IQCM: variants seen among roughly 807,000 people sequenced by gnomAD.
The protein encoded by IQCM is IQ domain-containing protein M.
IQCM carries 45 observed loss-of-function variants against 57.6 expected under a neutral mutation model. That is an observed-to-expected ratio of 0.78 (90% confidence interval 0.62 to 1.00). The LOEUF (loss-of-function observed/expected upper bound fraction) is 1.00, where lower values mean the gene tolerates loss of function less well. IQCM is among the 50% of genes least tolerant of loss of function. The pLI, the probability that IQCM is intolerant of heterozygous loss-of-function variation, is 0.00. For missense variants in IQCM, 468 were observed against 511.6 expected (o/e 0.91, Z 0.82); for synonymous variants, 148 against 158.9 (o/e 0.93, Z 0.51).
intron 8 of IQCM, among the ~76,000 whole-genome samples, chr4:149,612,486 T>C (rs1203460573): frequency 6.6e-6 from 1 of 152,162 alleles, no homozygotes; most frequent in Non-Finnish European, 1.5e-5. Flanking sequence ...GAGTTATTAA[T>C]ATATAAATAC....
chr4:149,594,840 T>A (rs1356151929), intron 8 of IQCM, among the ~76,000 whole-genome samples: 1 of 152,170 alleles, frequency 6.6e-6, no homozygotes, highest in African/African-American at 2.4e-5. Context: ...GTAATTTCTG[T>A]TCTTTTACAT....
chr4:149,540,261 C>T (rs1268120712), intron 12 of IQCM, among the ~76,000 whole-genome samples: 1 of 149,464 alleles, frequency 6.7e-6, no homozygotes, highest in Non-Finnish European at 1.5e-5. Flanking sequence ...CTACGAGACA[C>T]TAAATTGTCA....
intron 5 of IQCM, among the ~76,000 whole-genome samples, chr4:149,713,128 G>C (rs1561188601): frequency 6.6e-6 from 1 of 152,102 alleles, no homozygotes; most frequent in Non-Finnish European, 1.5e-5. Context: ...ACTGCTGCTT[G>C]ATGAGCTCAT....
intron 8 of IQCM, among the ~76,000 whole-genome samples, chr4:149,610,300 C>A (rs1022690492): frequency 1.3e-5 from 2 of 151,892 alleles, no homozygotes; most frequent in Non-Finnish European, 2.9e-5. Flanking sequence ...GTCTATACTA[C>A]CCAAAGCAAT....
At chr4:149,526,220 G>A (rs1280649946) in intron 12 of IQCM, among the ~76,000 whole-genome samples, 2 of 151,876 alleles carry the variant, frequency 1.3e-5, no homozygotes, top group South Asian at 2.1e-4. Context: ...CCAAAAAGAT[G>A]TTTGTAAGGG....
chr4:149,811,865 C>A (rs1368884785), intron 2 of IQCM, among the ~76,000 whole-genome samples: 1 of 152,146 alleles, frequency 6.6e-6, no homozygotes, highest in East Asian at 1.9e-4. Context: ...GGATATTTTT[C>A]TTTTAAAAGA....
intron 13 of IQCM, among the ~76,000 whole-genome samples, chr4:149,411,822 G>A (rs994439347): frequency 6.6e-6 from 1 of 152,066 alleles, no homozygotes; most frequent in Admixed American, 6.5e-5. Context: ...TTAAAAACTA[G>A]TGCTAAGGAA....
chr4:149,486,029 C>G (rs1348476708), intron 12 of IQCM, among the ~76,000 whole-genome samples: 1 of 136,132 alleles, frequency 7.3e-6, no homozygotes, highest in Non-Finnish European at 1.5e-5. Context: ...CTCTCTCTCT[C>G]TCTCTCTCTC....
At chr4:149,529,347 G>A (rs1008926405) in intron 12 of IQCM, among the ~76,000 whole-genome samples, 3 of 152,220 alleles carry the variant, frequency 2.0e-5, no homozygotes, top group Non-Finnish European at 2.9e-5. Flanking sequence ...TTACAGGCGT[G>A]AGCCACCACA....
intron 7 of IQCM, among the ~76,000 whole-genome samples, chr4:149,657,978 G>A (rs6535692): frequency 0.21 from 31,601 of 151,374 alleles, 4,101 homozygotes; most frequent in Non-Finnish European, 0.28. Flanking sequence ...TGTTTGTTTT[G>A]GATTTTTTGT....
chr4:149,547,399 A>G (rs1748557950), intron 12 of IQCM, among the ~76,000 whole-genome samples: 1 of 152,230 alleles, frequency 6.6e-6, no homozygotes, highest in South Asian at 2.1e-4. Context: ...ATATGGAAAC[A>G]CAAATACTGT....
chr4:149,385,820 A>C (rs1731385095), intron 13 of IQCM, among the ~76,000 whole-genome samples: 1 of 152,138 alleles, frequency 6.6e-6, no homozygotes, highest in Non-Finnish European at 1.5e-5. Context: ...CATAATTCAA[A>C]TTATGATCAT....
At chr4:149,372,824 G>A (rs1730451616) in intron 13 of IQCM, among the ~76,000 whole-genome samples, 1 of 151,986 alleles carries the variant, frequency 6.6e-6, no homozygotes, top group South Asian at 2.1e-4. Flanking sequence ...AATTAGTGGT[G>A]TTACATCCTA....
chr4:149,813,105 A>T lies in IQCM; in HGVS notation c.-49+2206T>A, dbSNP rs181429456. ...GGGCTGGATTAAGGGTTACTTCACA[A>T]AAAAAGCATTCTTAGTCCTGGCATC... On this transcript the variant is annotated intron_variant, in intron 2 of 13. Coordinates refer to ENST00000636793, the MANE Select transcript of IQCM (RefSeq NM_001363507.2). 3.1e-3 allele frequency among the ~76,000 whole-genome samples: 470 copies of T among 152,238 alleles called. 4 individuals carry two copies. The highest frequency in any genetic ancestry group is 0.011 in the African/African-American group (451 of 41,550).
intron 10 of IQCM, among the ~76,000 whole-genome samples, chr4:149,561,953 T>C (rs1750165507): frequency 1.3e-5 from 2 of 152,010 alleles, no homozygotes; most frequent in South Asian, 4.1e-4. Context: ...GAATTGGAGT[T>C]TATCAGAAGA....
intron 2 of IQCM, among the ~76,000 whole-genome samples, chr4:149,782,780 T>A (rs1016278905): frequency 3.9e-5 from 6 of 151,900 alleles, no homozygotes; most frequent in African/African-American, 1.5e-4. Flanking sequence ...TAGCTAGAAG[T>A]CTAATTAGTG....
intron 7 of IQCM, among the ~76,000 whole-genome samples, chr4:149,651,261 C>T (rs1759150813): frequency 6.6e-6 from 1 of 151,910 alleles, no homozygotes; most frequent in Non-Finnish European, 1.5e-5. Context: ...GCAGAAGCAC[C>T]CTGGACCACA....
intron 8 of IQCM, among the ~76,000 whole-genome samples, chr4:149,593,790 C>T (rs1367181933): frequency 6.6e-6 from 1 of 152,138 alleles, no homozygotes; most frequent in Non-Finnish European, 1.5e-5. Flanking sequence ...ACCAGCCTTG[C>T]ATCCCAAGGA....
At chr4:149,639,028 G>A (rs1253283431) in intron 7 of IQCM, among the ~76,000 whole-genome samples, 1 of 152,158 alleles carries the variant, frequency 6.6e-6, no homozygotes, top group Non-Finnish European at 1.5e-5. Flanking sequence ...AAATTGAGAA[G>A]GAGCCAAAGG....
Sources: gnomAD v4.1 joint callset for allele counts (sites outside exome capture counted in the v4.1 genomes callset) on GRCh38, gnomAD v4.1.1 for gene constraint, MANE v1.5 for transcripts, NCBI Gene and HGNC (gene_info 2026-07-23, HGNC 2026-07-21) for gene names.